Variants in HPRT1 observed in about 807,000 individuals in gnomAD.
The protein encoded by HPRT1 is hypoxanthine phosphoribosyltransferase 1.
In HPRT1, 4 loss-of-function variants were observed where a neutral mutation model predicts 19.0. That is an observed-to-expected ratio of 0.21 (90% CI 0.10 to 0.48). The LOEUF is 0.48. Ranked by LOEUF, HPRT1 falls within the 20% of genes least tolerant of loss-of-function variation. The pLI is 0.98. For synonymous variants in HPRT1, 53 were observed against 54.9 expected (o/e 0.97, Z 0.15); for missense variants, 65 against 164.0 (o/e 0.40, Z 3.30).
chrX:134,469,706 C>G (rs779310273), intron 1 of HPRT1, among the ~76,000 whole-genome samples: 20 of 111,773 alleles, frequency 1.8e-4, no homozygotes, highest in South Asian at 7.4e-4. Flanking sequence ...CAGTGAGTAA[C>G]TGGGAGGAAG....
At chrX:134,499,439 C>T (rs2077689522) in intron 8 of HPRT1, among the ~76,000 whole-genome samples, 1 of 110,628 alleles carries the variant, frequency 9.0e-6, no homozygotes, top group Admixed American at 9.7e-5. Context: ...CATCACGCCA[C>T]TGCACTCCAG....
intron 1 of HPRT1, among the ~76,000 whole-genome samples, chrX:134,472,409 A>T (rs1183542459): frequency 8.9e-6 from 1 of 111,937 alleles, no homozygotes; most frequent in African/African-American, 3.2e-5. Flanking sequence ...ACCCATGTTT[A>T]GAATATTATT....
intron 3 of HPRT1, among the ~76,000 whole-genome samples, chrX:134,481,865 AG>A (rs1234877391): frequency 9.9e-5 from 11 of 111,576 alleles, no homozygotes; most frequent in Admixed American, 1.9e-4. Context: ...TAATTTCCTC[AG>A]CAAATACATA....
intron 1 of HPRT1, among the ~76,000 whole-genome samples, chrX:134,469,805 T>C (rs1301813725): frequency 5.3e-5 from 6 of 112,364 alleles, no homozygotes; most frequent in African/African-American, 9.7e-5. Context: ...ATTTTCATTC[T>C]TGTCAAGTGA....
chrX:134,492,493 C>CTG (rs1283246535), intron 5 of HPRT1: 2 of 330,585 alleles, frequency 6.0e-6, no homozygotes, highest in Non-Finnish European at 5.9e-6. Context: ...TCATGATCCT[C>CTG]TTCAAAGTTC....
At chrX:134,482,022 A>G (rs2077641772) in intron 3 of HPRT1, among the ~76,000 whole-genome samples, 1 of 111,848 alleles carries the variant, frequency 8.9e-6, no homozygotes, top group South Asian at 3.7e-4. Flanking sequence ...AAAATAGTGT[A>G]CTTAAAAATA....
rs780711727 is a variant in HPRT1, at chrX:134,460,272, T to G, written c.-40T>G. 1.7e-3 allele frequency: 1,902 copies of G among 1,121,460 alleles called. 1 individual carries two copies. The highest frequency in any genetic ancestry group is 2.1e-3 in the Non-Finnish European group (1,832 of 853,326). The allele number at this position is 1,121,460 out of a possible 1,213,427, so 92.4% of individuals were successfully genotyped here. A position where few individuals can be genotyped will look rare whatever the true frequency, so the allele number is the denominator to read the frequency against. The stretch of plus-strand genomic sequence containing the variant: ...CTCCTCTGCTCCGCCACCGGCTTCC[T>G]CCTCCTGAGCAGTCAGCCCGCGCGC... On this transcript the variant is annotated 5_prime_UTR_variant, in exon 1 of 9. Transcript: ENST00000298556.
chrX:134,467,803 CTTTTTTT>C (rs765621209), intron 1 of HPRT1, among the ~76,000 whole-genome samples: 1 of 89,485 alleles, frequency 1.1e-5, no homozygotes, highest in Non-Finnish European at 2.2e-5. Context: ...TAACCTGTAT[CTTTTTTT>C]TTTTTTTTTT....
At chrX:134,490,494 A>G (rs1003413614) in intron 5 of HPRT1, among the ~76,000 whole-genome samples, 3 of 56,302 alleles carry the variant, frequency 5.3e-5, no homozygotes, top group African/African-American at 3.7e-4. Flanking sequence ...TATATCTTAT[A>G]TTTTATGTAT....
chrX:134,489,971 T>G (rs2077662429), intron 4 of HPRT1, among the ~76,000 whole-genome samples: 1 of 111,253 alleles, frequency 9.0e-6, no homozygotes, highest in South Asian at 3.8e-4. Context: ...TGGGTCAAAT[T>G]CTGTTTTTAA....
Position 134,460,169 on chromosome X carries a change from T to A in HPRT1, c.-143T>A. 3 of 581,020 alleles carry A rather than the reference T, an allele frequency of 5.2e-6. No homozygotes were observed. The highest frequency in any genetic ancestry group is 7.9e-6 in the Non-Finnish European group (3 of 381,849). 47.9% of individuals were successfully genotyped at this position (581,020 alleles called of 1,213,427 possible). A position where few individuals can be genotyped will look rare whatever the true frequency, so the allele number is the denominator to read the frequency against. ...GGGCGGGGCCTGCTTCTCCTCAGCTTCAGGCGGCTGCGACGAGCCCTCAGG... is the reference window on the plus strand; with the variant it reads ...GGGCGGGGCCTGCTTCTCCTCAGCTACAGGCGGCTGCGACGAGCCCTCAGG... On this transcript the variant is annotated 5_prime_UTR_variant, in exon 1 of 9. Coordinates refer to ENST00000298556, the MANE Select transcript of HPRT1 (RefSeq NM_000194.3).
chrX:134,495,377 A>T (rs2077677836), intron 6 of HPRT1, among the ~76,000 whole-genome samples: 1 of 111,153 alleles, frequency 9.0e-6, no homozygotes, highest in Non-Finnish European at 1.9e-5. Context: ...ATCTCTCTGA[A>T]TGTATTTACT....
Position 134,486,447 on chromosome X carries a change from T to TTC in HPRT1, c.319-17_319-16insCT, listed in dbSNP as rs2077653063. ...TGTGTAGATATATATATATATAGTTTTTTTTTTTTTTAACTAGAATGACCA... is the reference window on the plus strand; with the variant it reads ...TGTGTAGATATATATATATATAGTTTTCTTTTTTTTTTTAACTAGAATGACCA... On this transcript the variant is annotated splice_polypyrimidine_tract_variant and intron_variant, in intron 3 of 8. Transcript: ENST00000298556. The TTC allele has an allele frequency of 3.1e-6, 3 of 962,739 alleles. No homozygotes were observed. The highest frequency in any genetic ancestry group is 4.3e-6 in the Non-Finnish European group (3 of 703,576). The allele number at this position is 962,739 out of a possible 1,213,427, so 79.3% of individuals were successfully genotyped here.
intron 1 of HPRT1, among the ~76,000 whole-genome samples, chrX:134,467,120 G>A (rs1370879047): frequency 2.2e-5 from 2 of 92,293 alleles, no homozygotes; most frequent in African/African-American, 8.7e-5. Context: ...GCACAATCTC[G>A]GCTCACTGCA....
At chrX:134,490,147 T>G in intron 4 of HPRT1, 41 bp from the exon 5 acceptor site, 1 of 918,639 alleles carries the variant, frequency 1.1e-6, no homozygotes, top group Non-Finnish European at 1.6e-6. Context: ...GAAATACCGT[T>G]TTATTCATTG....
At chrX:134,481,521 A>G (rs2077640301) in intron 3 of HPRT1, among the ~76,000 whole-genome samples, 1 of 104,939 alleles carries the variant, frequency 9.5e-6, no homozygotes, top group Non-Finnish European at 1.9e-5. Context: ...CTATCTATCT[A>G]TCTATCTATC....
rs139658107 is a variant in HPRT1, at chrX:134,470,291, G to A, written c.28-3068G>A. ...GCTGAAGTTGTCCCACAGGTATTAC[G>A]GGCCAACCTGACAATACATGAAGTT... On this transcript the variant is annotated intron_variant, in intron 1 of 8. Coordinates refer to ENST00000298556, the MANE Select transcript of HPRT1 (RefSeq NM_000194.3). 4.4e-4 allele frequency among the ~76,000 whole-genome samples: 49 copies of A among 111,646 alleles called. No individual in the cohort carries two copies. In the East Asian group the frequency reaches 0.012, roughly 28 times the overall value.
chrX:134,460,262 A>C lies in HPRT1; in HGVS notation c.-50A>C, dbSNP rs1431786873. 1 of 1,103,372 alleles carries C rather than the reference A, an allele frequency of 9.1e-7. No homozygotes were observed. Among genetic ancestry groups the C allele is most frequent in the African/African-American group, 2.0e-5 (1 of 50,145 alleles). The allele number at this position is 1,103,372 out of a possible 1,213,427, so 90.9% of individuals were successfully genotyped here. On this transcript the variant is annotated 5_prime_UTR_variant, in exon 1 of 9. Transcript: ENST00000298556. Reference sequence around the variant, plus strand: ...CCTCCGCCTCCTCCTCTGCTCCGCCACCGGCTTCCTCCTCCTGAGCAGTCA... The same window carrying C: ...CCTCCGCCTCCTCCTCTGCTCCGCCCCCGGCTTCCTCCTCCTGAGCAGTCA...
At chrX:134,489,974 G>A (rs2077662451) in intron 4 of HPRT1, among the ~76,000 whole-genome samples, 1 of 111,045 alleles carries the variant, frequency 9.0e-6, no homozygotes, top group African/African-American at 3.3e-5. Context: ...GTCAAATTCT[G>A]TTTTTAAAAT....
Sources: allele counts gnomAD v4.1 joint callset (sites outside exome capture counted in the v4.1 genomes callset), GRCh38; gene constraint gnomAD v4.1.1; transcripts MANE v1.5; gene names NCBI Gene and HGNC (gene_info 2026-07-23, HGNC 2026-07-21).